Variants in AKT3 observed in about 807,000 individuals in gnomAD.
AKT3 encodes RAC-gamma serine/threonine-protein kinase.
AKT3 carries 15 observed loss-of-function variants against 65.3 expected under a neutral mutation model. That is an observed-to-expected ratio of 0.23 (90% confidence interval 0.15 to 0.35). AKT3 has a LOEUF of 0.35. Ranked by LOEUF, AKT3 falls within the 10% of genes least tolerant of loss-of-function variation. The pLI, the probability that AKT3 is intolerant of heterozygous loss-of-function variation, is 1.00. For missense variants in AKT3, 243 were observed against 576.5 expected, an observed-to-expected ratio of 0.42 and a Z score of 5.92; for synonymous variants, 206 against 183.8, an observed-to-expected ratio of 1.12 and a Z score of -0.98.
intron 5 of AKT3, among the ~76,000 whole-genome samples, chr1:243,638,080 C>G (rs1680107133): frequency 6.6e-6 from 1 of 152,096 alleles, no homozygotes; most frequent in East Asian, 1.9e-4. Context: ...CTGCTACCCC[C>G]AGAAAATGTG....
chr1:243,764,823 C>A (rs1416196877), intron 2 of AKT3, among the ~76,000 whole-genome samples: 5 of 152,078 alleles, frequency 3.3e-5, no homozygotes, highest in Non-Finnish European at 7.4e-5. Flanking sequence ...CTAACTTTTT[C>A]AACTTTGACA....
At chr1:243,757,737 C>T (rs187060765) in intron 2 of AKT3, among the ~76,000 whole-genome samples, 2 of 151,706 alleles carry the variant, frequency 1.3e-5, no homozygotes, top group African/African-American at 4.8e-5. Context: ...TCTCTACTTA[C>T]TTTTTGATAC....
intron 5 of AKT3, among the ~76,000 whole-genome samples, chr1:243,638,828 TA>T (rs1018125745): frequency 6.7e-6 from 1 of 149,100 alleles, no homozygotes; most frequent in African/African-American, 2.5e-5. Flanking sequence ...TTAACAAACT[TA>T]AAAAAAAAGC....
chr1:243,810,155 G>T (rs544845276), intron 2 of AKT3, among the ~76,000 whole-genome samples: 9 of 152,132 alleles, frequency 5.9e-5, no homozygotes, highest in African/African-American at 1.9e-4. Context: ...GCTAGCAGAA[G>T]GCAACAAAAT....
intron 8 of AKT3, among the ~76,000 whole-genome samples, chr1:243,581,257 C>G (rs561980358): frequency 3.3e-4 from 51 of 152,324 alleles, no homozygotes; most frequent in Non-Finnish European, 5.7e-4. Context: ...ACCCCCTGAC[C>G]CTGGGGCTGG....
intron 5 of AKT3, 120 bp from the exon 6 acceptor site, chr1:243,637,862 T>C: frequency 1.6e-6 from 1 of 608,844 alleles, no homozygotes; most frequent in African/African-American, 1.9e-5. Context: ...ATAAGCACAT[T>C]TAAATGAAAA....
In AKT3 at chr1:243,623,360, G is replaced by A. The variant is rs574583521; in HGVS notation, c.562-8199C>T. ...AATTAACCATCACAGATGCACTTAT[G>A]TGTCAACTTGACTGGATTAAGGAAT... On this transcript the variant is annotated intron_variant, in intron 6 of 13. Coordinates refer to ENST00000673466, the MANE Select transcript of AKT3 (RefSeq NM_005465.7). Among the ~76,000 whole-genome samples, 14 of 152,256 alleles carry A rather than the reference G, an allele frequency of 9.2e-5. No individual in the cohort carries two copies. The South Asian group carries it at 1.2e-3, about 14-fold the overall frequency.
chr1:243,806,091 T>A (rs1322823257), intron 2 of AKT3, among the ~76,000 whole-genome samples: 5 of 152,126 alleles, frequency 3.3e-5, no homozygotes, highest in African/African-American at 1.2e-4. Context: ...CCCAAAAAAA[T>A]TCCTATCAGT....
chr1:243,564,975 T>TA (rs1284653682), intron 9 of AKT3, among the ~76,000 whole-genome samples: 3 of 152,314 alleles, frequency 2.0e-5, no homozygotes, highest in Non-Finnish European at 4.4e-5. Flanking sequence ...TCATATAAAA[T>TA]ATGTTATTAT....
intron 2 of AKT3, among the ~76,000 whole-genome samples, chr1:243,754,768 C>A (rs1254107257): frequency 2.6e-5 from 4 of 152,176 alleles, no homozygotes; most frequent in Non-Finnish European, 4.4e-5. Context: ...CTCCCACACA[C>A]CACCCAGGTT....
At chr1:243,845,855 G>A (rs1489439586) in intron 1 of AKT3, among the ~76,000 whole-genome samples, 1 of 152,034 alleles carries the variant, frequency 6.6e-6, no homozygotes, top group African/African-American at 2.4e-5. Context: ...GGTGTATTAG[G>A]AAGAGCACCA....
intron 2 of AKT3, among the ~76,000 whole-genome samples, chr1:243,740,035 T>C (rs1485613195): frequency 2.6e-5 from 4 of 152,140 alleles, no homozygotes; most frequent in African/African-American, 9.7e-5. Flanking sequence ...ATCCACAGAG[T>C]AATCTTAGCT....
intron 6 of AKT3, among the ~76,000 whole-genome samples, chr1:243,632,843 G>C (rs181417742): frequency 1.8e-4 from 27 of 152,258 alleles, no homozygotes; most frequent in Non-Finnish European, 1.3e-4. Flanking sequence ...ACCTTTCCTA[G>C]CTTCCAACTG....
intron 13 of AKT3, among the ~76,000 whole-genome samples, chr1:243,493,286 C>T (rs1396464315): frequency 1.3e-5 from 2 of 152,036 alleles, no homozygotes; most frequent in African/African-American, 4.8e-5. Flanking sequence ...TGGGCAGGGC[C>T]TGACAGCTTG....
intron 1 of AKT3, among the ~76,000 whole-genome samples, chr1:243,849,167 G>C (rs1246580832): frequency 2.0e-5 from 3 of 152,246 alleles, no homozygotes; most frequent in Admixed American, 6.5e-5. Flanking sequence ...CATCATGGCT[G>C]ATGCGGACCG....
chr1:243,756,610 AG>A (rs920285787), intron 2 of AKT3, among the ~76,000 whole-genome samples: 2 of 152,264 alleles, frequency 1.3e-5, no homozygotes, highest in African/African-American at 4.8e-5. Flanking sequence ...TCCTTATAAG[AG>A]AATCCCAACT....
chr1:243,794,704 T>A (rs931301368), intron 2 of AKT3, among the ~76,000 whole-genome samples: 1 of 152,254 alleles, frequency 6.6e-6, no homozygotes, highest in Non-Finnish European at 1.5e-5. Flanking sequence ...TTAATCATTC[T>A]GATTTCTCCA....
chr1:243,652,042 G>T (rs908242657), intron 4 of AKT3, among the ~76,000 whole-genome samples: 5 of 126,118 alleles, frequency 4.0e-5, no homozygotes, highest in East Asian at 2.4e-4. Flanking sequence ...TTAGAGAAAA[G>T]AATTCTTTTT....
intron 2 of AKT3, among the ~76,000 whole-genome samples, chr1:243,812,936 G>A (rs958671039): frequency 2.0e-5 from 3 of 147,400 alleles, no homozygotes; most frequent in Non-Finnish European, 4.5e-5. Context: ...ACCAAACATC[G>A]CATGTTCTCA....
Sources: allele counts gnomAD v4.1 joint callset (sites outside exome capture counted in the v4.1 genomes callset), GRCh38; gene constraint gnomAD v4.1.1; transcripts MANE v1.5; gene names NCBI Gene and HGNC (gene_info 2026-07-23, HGNC 2026-07-21).